Variants in NIPBL observed in about 807,000 individuals in gnomAD.
NIPBL encodes NIPBL cohesin loading factor.
In NIPBL, 19 loss-of-function variants were observed where a neutral mutation model predicts 321.8. The ratio of observed to expected loss-of-function variants is 0.06; its 90% CI spans 0.04 to 0.09. NIPBL has a LOEUF of 0.09. Among genes scored for constraint, NIPBL ranks in the 10% least tolerant of loss-of-function variants. NIPBL has a pLI of 1.00. For synonymous variants in NIPBL, 1,106 were observed against 1,114.1 expected, an observed-to-expected ratio of 0.99 and a Z score of 0.14; for missense variants, 2,210 against 3,327.0, an observed-to-expected ratio of 0.66 and a Z score of 8.26.
At chr5:37,032,467 A>C (rs1254965001) in intron 32 of NIPBL, among the ~76,000 whole-genome samples, 1 of 149,156 alleles carries the variant, frequency 6.7e-6, no homozygotes. Flanking sequence ...AGCAGAAAAA[A>C]TCTTAAAGGT....
intron 11 of NIPBL, among the ~76,000 whole-genome samples, chr5:36,999,302 A>G (rs1200355280): frequency 6.6e-6 from 1 of 152,218 alleles, no homozygotes; most frequent in Non-Finnish European, 1.5e-5. Context: ...TTGCTAGTCA[A>G]ATAACAGACT....
chr5:37,029,814 T>G (rs1750745658), intron 32 of NIPBL, among the ~76,000 whole-genome samples: 1 of 152,182 alleles, frequency 6.6e-6, no homozygotes, highest in Non-Finnish European at 1.5e-5. Flanking sequence ...CTTCATGGTG[T>G]TTTCAATGTG....
chr5:36,915,727 C>A (rs1748405797), intron 1 of NIPBL, among the ~76,000 whole-genome samples: 1 of 152,236 alleles, frequency 6.6e-6, no homozygotes, highest in East Asian at 1.9e-4. Flanking sequence ...CATGTTTAAT[C>A]TCTGACCTTT....
chr5:36,991,384 A>G (rs1022917976), intron 10 of NIPBL, among the ~76,000 whole-genome samples: 2 of 152,148 alleles, frequency 1.3e-5, no homozygotes, highest in African/African-American at 4.8e-5. Context: ...CAGTCATTCA[A>G]TTTCTAATTG....
intron 40 of NIPBL, 32 bp downstream of exon 40, chr5:37,049,333 A>C: frequency 6.2e-7 from 1 of 1,602,686 alleles, no homozygotes; most frequent in Non-Finnish European, 8.5e-7. Context: ...AGCACTTACT[A>C]AAAGAGCAAG....
At chr5:36,983,302 T>G (rs963778872) in intron 9 of NIPBL, among the ~76,000 whole-genome samples, 4 of 151,884 alleles carry the variant, frequency 2.6e-5, no homozygotes, top group Non-Finnish European at 4.4e-5. Context: ...GGACTTAGTT[T>G]TACAAAATAT....
intron 24 of NIPBL, 95 bp downstream of exon 24, chr5:37,017,257 C>A: frequency 8.1e-7 from 1 of 1,241,540 alleles, no homozygotes; most frequent in Non-Finnish European, 1.1e-6. Flanking sequence ...TGTGTGGATT[C>A]AAAATAAGAT....
chr5:36,913,007 G>A (rs1002345751), intron 1 of NIPBL, among the ~76,000 whole-genome samples: 2 of 152,142 alleles, frequency 1.3e-5, no homozygotes, highest in Non-Finnish European at 2.9e-5. Flanking sequence ...AACAATGTGT[G>A]TCTTGAAATA....
In NIPBL at chr5:37,049,105, T is replaced by C. The variant is rs1260323204; in HGVS notation, c.6764-6T>C. The stretch of plus-strand genomic sequence containing the variant: ...ATGTGTGTTTATCCTTTGCTTGCTT[T>C]TGTAGGGAAGAAAGTTGCAAAACAG... On this transcript the variant is annotated splice_region_variant and splice_polypyrimidine_tract_variant and intron_variant, in intron 39 of 46. Transcript: ENST00000282516. The C allele has an allele frequency of 8.1e-6, 13 of 1,613,834 alleles. No individual in the cohort carries two copies. Among genetic ancestry groups the C allele is most frequent in the Admixed American group, 1.7e-5 (1 of 59,998 alleles).
Position 37,008,181 on chromosome 5 carries a change from C to G in NIPBL, c.4320+93C>G, listed in dbSNP as rs979972364. Reference sequence around the variant, plus strand: ...AATTTCCAAAAAATAATGAAGATACCTGGTTTTCAGTACATTCATTTCAAT... The same window carrying G: ...AATTTCCAAAAAATAATGAAGATACGTGGTTTTCAGTACATTCATTTCAAT... On this transcript the variant is annotated intron_variant, in intron 19 of 46. Transcript: ENST00000282516. 4.9e-6 allele frequency: 4 copies of G among 815,238 alleles called. No individual in the cohort carries two copies. In the African/African-American group the frequency reaches 6.8e-5, roughly 14 times the overall value. 50.5% of individuals were successfully genotyped at this position (815,238 alleles called of 1,614,324 possible).
chr5:36,900,718 G>A (rs188677555), intron 1 of NIPBL, among the ~76,000 whole-genome samples: 7 of 152,052 alleles, frequency 4.6e-5, no homozygotes, highest in Admixed American at 1.3e-4. Flanking sequence ...ATGAAGTTGC[G>A]AGAGGCTGAT....
intron 1 of NIPBL, among the ~76,000 whole-genome samples, chr5:36,908,414 A>G (rs1046997883): frequency 1.3e-5 from 2 of 148,376 alleles, no homozygotes; most frequent in Non-Finnish European, 3.0e-5. Context: ...ACAAATTCCT[A>G]TAGAATTTTC....
chr5:36,940,487 C>T (rs1434163989), intron 1 of NIPBL, among the ~76,000 whole-genome samples: 2 of 152,152 alleles, frequency 1.3e-5, no homozygotes, highest in African/African-American at 2.4e-5. Flanking sequence ...CTCTGTCCTT[C>T]TTCAGGGACT....
At chr5:36,899,636 A>C (rs1747051110) in intron 1 of NIPBL, among the ~76,000 whole-genome samples, 1 of 152,202 alleles carries the variant, frequency 6.6e-6, no homozygotes, top group African/African-American at 2.4e-5. Context: ...ATTGCTTTCT[A>C]AATTTTGTGT....
intron 10 of NIPBL, among the ~76,000 whole-genome samples, chr5:36,993,477 AAAG>A (rs1264080838): frequency 2.0e-5 from 3 of 152,202 alleles, no homozygotes; most frequent in African/African-American, 4.8e-5. Context: ...ATTTTTTTAA[AAAG>A]AAGGAGCAGA....
At chr5:37,001,690 CA>C (rs1243180634) in intron 14 of NIPBL, among the ~76,000 whole-genome samples, 1 of 152,048 alleles carries the variant, frequency 6.6e-6, no homozygotes, top group Non-Finnish European at 1.5e-5. Flanking sequence ...TTAGGGAATA[CA>C]GATTCTAATA....
At chr5:36,995,010 T>G (rs1413397696) in intron 10 of NIPBL, 1 of 152,344 alleles carries the variant, frequency 6.6e-6, no homozygotes, top group East Asian at 1.9e-4. Context: ...AGTTAAATTG[T>G]ATATATTGAT....
At chr5:36,946,814 T>G (rs943787003) in intron 1 of NIPBL, among the ~76,000 whole-genome samples, 1 of 152,156 alleles carries the variant, frequency 6.6e-6, no homozygotes, top group African/African-American at 2.4e-5. Context: ...AATTACTAGC[T>G]CAGAGACCTT....
chr5:36,929,753 G>T (rs1297830585), intron 1 of NIPBL, among the ~76,000 whole-genome samples: 2 of 152,000 alleles, frequency 1.3e-5, no homozygotes, highest in South Asian at 2.1e-4. Context: ...TAATTTTTGT[G>T]TATGGTATAA....
Sources: allele counts gnomAD v4.1 joint callset (sites outside exome capture counted in the v4.1 genomes callset), GRCh38; gene constraint gnomAD v4.1.1; transcripts MANE v1.5; gene names NCBI Gene and HGNC (gene_info 2026-07-23, HGNC 2026-07-21).